The following PTPRD variants were observed in gnomAD, a reference collection of about 807,000 sequenced individuals.
PTPRD encodes the protein receptor-type tyrosine-protein phosphatase delta.
A neutral mutation model predicts 214.5 loss-of-function variants in PTPRD; 34 were observed. The observed-to-expected ratio is 0.16, with a 90% CI of 0.12 to 0.21. The LOEUF is 0.21. Among genes scored for constraint, PTPRD ranks in the 10% least tolerant of loss-of-function variants. The pLI, the probability that PTPRD is intolerant of heterozygous loss-of-function variation, is 1.00. For missense variants in PTPRD, 2,545 were observed against 2,398.7 expected (o/e 1.06, Z -1.27); for synonymous variants, 1,128 against 845.7 (o/e 1.33, Z -5.79).
chr9:9,930,467 ATGTT>A (rs761298548), intron 5 of PTPRD, among the ~76,000 whole-genome samples: 2 of 152,220 alleles, frequency 1.3e-5, no homozygotes, highest in African/African-American at 2.4e-5. Flanking sequence ...AATTTCTTGT[ATGTT>A]TGAGTTTTCA....
intron 10 of PTPRD, among the ~76,000 whole-genome samples, chr9:9,082,514 C>G (rs2099760747): frequency 6.6e-6 from 1 of 151,960 alleles, no homozygotes; most frequent in Admixed American, 6.6e-5. Context: ...CCCTCTCTCA[C>G]CACTCCTATT....
intron 4 of PTPRD, among the ~76,000 whole-genome samples, chr9:10,018,875 G>C (rs1185746289): frequency 6.6e-6 from 1 of 151,950 alleles, no homozygotes; most frequent in South Asian, 2.1e-4. Flanking sequence ...TACACACATT[G>C]TTAATATGCA....
At chr9:9,205,813 T>G (rs1214115535) in intron 9 of PTPRD, among the ~76,000 whole-genome samples, 1 of 152,186 alleles carries the variant, frequency 6.6e-6, no homozygotes, top group Admixed American at 6.5e-5. Flanking sequence ...AGATTGTACA[T>G]GCAGCAGTTA....
intron 5 of PTPRD, among the ~76,000 whole-genome samples, chr9:9,865,994 C>T (rs2153701235): frequency 6.6e-6 from 1 of 152,292 alleles, no homozygotes; most frequent in South Asian, 2.1e-4. Context: ...CTGCTCCCTT[C>T]TAATCTTCTT....
chr9:9,687,993 A>G (rs1008814232), intron 7 of PTPRD, among the ~76,000 whole-genome samples: 1 of 151,782 alleles, frequency 6.6e-6, no homozygotes, highest in Non-Finnish European at 1.5e-5. Context: ...GGGAATTCTC[A>G]TGGGATCTGA....
intron 10 of PTPRD, among the ~76,000 whole-genome samples, chr9:9,076,044 C>G (rs2099750685): frequency 6.6e-6 from 1 of 152,088 alleles, no homozygotes; most frequent in Non-Finnish European, 1.5e-5. Context: ...AAAAGTGTTC[C>G]TATTTCTCTA....
chr9:9,471,090 A>G (rs545881619), intron 8 of PTPRD, among the ~76,000 whole-genome samples: 1 of 152,210 alleles, frequency 6.6e-6, no homozygotes, highest in Non-Finnish European at 1.5e-5. Context: ...AATGTAAAGC[A>G]TTAAGTACTT....
chr9:8,707,442 A>G (rs2098233626), intron 12 of PTPRD, among the ~76,000 whole-genome samples: 1 of 152,254 alleles, frequency 6.6e-6, no homozygotes, highest in Admixed American at 6.5e-5. Flanking sequence ...ATGTAAAAAT[A>G]AAAAGCCCCT....
intron 12 of PTPRD, among the ~76,000 whole-genome samples, chr9:8,643,818 G>A (rs886259353): frequency 6.6e-6 from 1 of 152,240 alleles, no homozygotes; most frequent in Non-Finnish European, 1.5e-5. Flanking sequence ...GCCTGCAGAT[G>A]CCCCTTGGCG....
intron 7 of PTPRD, among the ~76,000 whole-genome samples, chr9:9,702,807 G>A (rs1474997433): frequency 3.3e-5 from 5 of 152,058 alleles, no homozygotes; most frequent in African/African-American, 7.2e-5. Context: ...GCTAGCTTAT[G>A]GTAAGATCTA....
At position 9,873,919 on chromosome 9, in the gene PTPRD, C is replaced by G. The variant is rs114006550; in HGVS notation, c.-368+64588G>C. On this transcript the variant is annotated intron_variant, in intron 5 of 45. Coordinates refer to ENST00000381196, the MANE Select transcript of PTPRD (RefSeq NM_002839.4). ...TATACTTACTAAAGTAAAACAATAG[C>G]TGACGTGTATTGAAGTAGTAATAGT... Among the ~76,000 whole-genome samples the G allele has an allele frequency of 3.7e-3, 561 of 152,056 alleles. 2 individuals carry two copies. Among genetic ancestry groups the G allele is most frequent in the African/African-American group, 0.013 (535 of 41,486 alleles).
intron 2 of PTPRD, among the ~76,000 whole-genome samples, chr9:10,561,278 T>A (rs2063901981): frequency 6.6e-6 from 1 of 152,154 alleles, no homozygotes; most frequent in Admixed American, 6.6e-5. Flanking sequence ...TTTTATAAGA[T>A]GGAAACAGAA....
At chr9:9,119,979 C>T (rs1161822441) in intron 10 of PTPRD, among the ~76,000 whole-genome samples, 1 of 152,048 alleles carries the variant, frequency 6.6e-6, no homozygotes, top group Non-Finnish European at 1.5e-5. Flanking sequence ...TACATTTGCA[C>T]AAATAAAAAG....
chr9:9,196,795 G>C (rs1297769692), intron 9 of PTPRD, among the ~76,000 whole-genome samples: 2 of 152,004 alleles, frequency 1.3e-5, no homozygotes, highest in Non-Finnish European at 2.9e-5. Flanking sequence ...CCCTAAAAAA[G>C]AGCAAAGCAA....
chr9:9,590,209 T>C (rs1022175344), intron 7 of PTPRD, among the ~76,000 whole-genome samples: 1 of 152,006 alleles, frequency 6.6e-6, no homozygotes, highest in Non-Finnish European at 1.5e-5. Flanking sequence ...TGTTCTATGA[T>C]CTATTTTTTT....
chr9:9,985,887 GA>G (rs2095693506), intron 4 of PTPRD, among the ~76,000 whole-genome samples: 1 of 151,900 alleles, frequency 6.6e-6, no homozygotes, highest in Admixed American at 6.6e-5. Context: ...TCAGAACAAG[GA>G]AATAATTGTT....
At chr9:9,451,156 G>T (rs767934078) in intron 8 of PTPRD, among the ~76,000 whole-genome samples, 9 of 151,712 alleles carry the variant, frequency 5.9e-5, no homozygotes, top group Non-Finnish European at 1.3e-4. Flanking sequence ...TTGAGCATCT[G>T]TTTATATAAG....
intron 2 of PTPRD, among the ~76,000 whole-genome samples, chr9:10,543,479 TACACACAC>T (rs567757732): frequency 6.9e-6 from 1 of 145,082 alleles, no homozygotes; most frequent in Non-Finnish European, 1.5e-5. Flanking sequence ...TATATATATA[TACACACAC>T]ACACACACAC....
intron 8 of PTPRD, among the ~76,000 whole-genome samples, chr9:9,510,246 A>AT (rs961879897): frequency 2.3e-4 from 35 of 149,452 alleles, no homozygotes; most frequent in South Asian, 6.3e-4. Context: ...CATTAAAGTC[A>AT]TTTTTTTTTC....
Sources: allele counts gnomAD v4.1 joint callset (sites outside exome capture counted in the v4.1 genomes callset), GRCh38; gene constraint gnomAD v4.1.1; transcripts MANE v1.5; gene names NCBI Gene and HGNC (gene_info 2026-07-23, HGNC 2026-07-21).